EBF3: variants seen among roughly 807,000 people sequenced by gnomAD.
The protein encoded by EBF3 is EBF transcription factor 3, also known as transcription factor COE3.
Under a neutral mutation model 77.1 loss-of-function variants are expected in EBF3, and 18 were observed. That is an observed-to-expected ratio of 0.23 (90% CI 0.16 to 0.35). The LOEUF (loss-of-function observed/expected upper bound fraction) is 0.35. Ranked by LOEUF, EBF3 falls within the 10% of genes least tolerant of loss-of-function variation. The pLI is 1.00. For missense variants in EBF3, 558 were observed against 860.0 expected (o/e 0.65, Z 4.39); for synonymous variants, 350 against 343.5 (o/e 1.02, Z -0.21).
intron 10 of EBF3, among the ~76,000 whole-genome samples, chr10:129,855,591 G>A (rs370319692): frequency 2.6e-5 from 4 of 152,160 alleles, no homozygotes; most frequent in African/African-American, 9.7e-5. Flanking sequence ...CTGAGGTCGG[G>A]AAGTGGGCCC....
Position 129,840,886 on chromosome 10 carries a change from G to T in EBF3, c.1519C>A (p.Pro507Thr), listed in dbSNP as rs758307111. ...GCGGAGGAGCCATTAAGAAATCCAG[G>T]CGAGCCAGGGACCCCTAGACTGGCC... ...AMASLGVPGS[P>T]GFLNGSSANS... is the part of the protein sequence containing the mutation. Residue 507 changes from proline to threonine, a missense_variant, in exon 14 of 17, where the codon CCT (proline) becomes ACT (threonine). Pro to Thr is a conservative substitution (Grantham distance 38). Coordinates refer to ENST00000440978, the MANE Select transcript of EBF3 (RefSeq NM_001375380.1). The T allele has an allele frequency of 2.0e-5, 33 of 1,613,910 alleles. No homozygotes were observed. Among genetic ancestry groups the T allele is most frequent in the Non-Finnish European group, 2.8e-5 (33 of 1,179,942 alleles).
intron 6 of EBF3, among the ~76,000 whole-genome samples, chr10:129,937,352 T>C (rs986210096): frequency 6.6e-6 from 1 of 152,078 alleles, no homozygotes; most frequent in African/African-American, 2.4e-5. Context: ...AAGCCTTCCC[T>C]GGGTGACCCT....
chr10:129,911,921 G>A (rs1855551500), intron 6 of EBF3, among the ~76,000 whole-genome samples: 1 of 152,160 alleles, frequency 6.6e-6, no homozygotes, highest in Non-Finnish European at 1.5e-5. Context: ...CCTCATGGAG[G>A]AAATGCATGG....
intron 7 of EBF3, among the ~76,000 whole-genome samples, chr10:129,874,423 G>A (rs1371211144): frequency 2.6e-5 from 4 of 152,202 alleles, no homozygotes; most frequent in African/African-American, 9.6e-5. Flanking sequence ...AGACTCCATA[G>A]ACCTGCCCAG....
In EBF3 at chr10:129,943,101, A is replaced by G. The variant is rs912171004; in HGVS notation, c.554+14157T>C. Among the ~76,000 whole-genome samples, 1 of 152,182 alleles carries G rather than the reference A, an allele frequency of 6.6e-6. No individual in the cohort carries two copies. The highest frequency in any genetic ancestry group is 2.4e-5 in the African/African-American group (1 of 41,440). ...TTGCCTGCACGATGGGAATGACTGG[A>G]TCACTCCACCGGCTGCTCAAGAAGC... On this transcript the variant is annotated intron_variant, in intron 6 of 16. Coordinates refer to ENST00000440978, the MANE Select transcript of EBF3 (RefSeq NM_001375380.1). This position sits in a 1 kb window ranked among gnomAD's most constrained non-coding sequence, Gnocchi z 8.8.
At chr10:129,912,029 C>A (rs112070415) in intron 6 of EBF3, among the ~76,000 whole-genome samples, 1 of 152,202 alleles carries the variant, frequency 6.6e-6, no homozygotes, top group Admixed American at 6.5e-5. Context: ...CGTCCACCTG[C>A]GTGGGACTCC....
At chr10:129,950,652 A>AC (rs1429208104) in intron 6 of EBF3, among the ~76,000 whole-genome samples, 4 of 152,190 alleles carry the variant, frequency 2.6e-5, no homozygotes, top group African/African-American at 7.2e-5. Context: ...ACAAAAAAAA[A>AC]CCCCTTAACC....
rs368440471 is a variant in EBF3 at position 129,863,090 on chromosome 10, A to C, written c.1039+4051T>G. Among the ~76,000 whole-genome samples, 1 of 152,234 alleles carries C rather than the reference A, an allele frequency of 6.6e-6. No homozygotes were observed. The highest frequency in any genetic ancestry group is 1.9e-4 in the East Asian group (1 of 5,196). ...CCCACCAGTTTATATTGCATTTTAC[A>C]GTCTAGAAGGCAATTTACTATTAAC... On this transcript the variant is annotated intron_variant, in intron 10 of 16. Transcript: ENST00000440978. This position sits in a 1 kb window ranked among gnomAD's most constrained non-coding sequence, Gnocchi z 4.0.
At chr10:129,954,680 T>A (rs945489922) in intron 6 of EBF3, among the ~76,000 whole-genome samples, 1 of 152,138 alleles carries the variant, frequency 6.6e-6, no homozygotes, top group Non-Finnish European at 1.5e-5. Context: ...TTGGTTTATA[T>A]CCTCAGGACA....
At chr10:129,945,828 A>G (rs1300207777) in intron 6 of EBF3, among the ~76,000 whole-genome samples, 1 of 152,046 alleles carries the variant, frequency 6.6e-6, no homozygotes, top group East Asian at 1.9e-4. Flanking sequence ...TATGATCATT[A>G]TTTTCGCCTA....
At chr10:129,962,096 G>A in intron 4 of EBF3, 75 bp downstream of exon 4, 1 of 1,411,530 alleles carries the variant, frequency 7.1e-7, no homozygotes, top group Non-Finnish European at 1.0e-6. Context: ...CCATTTGTCA[G>A]TGCCCTTGCC....
intron 6 of EBF3, among the ~76,000 whole-genome samples, chr10:129,950,059 G>C (rs902239815): frequency 6.6e-6 from 1 of 150,856 alleles, no homozygotes; most frequent in Non-Finnish European, 1.5e-5. Flanking sequence ...AGGCAGGGGC[G>C]GCGGCTGGAG....
At chr10:129,850,677 T>A (rs1850810382) in intron 10 of EBF3, among the ~76,000 whole-genome samples, 1 of 152,178 alleles carries the variant, frequency 6.6e-6, no homozygotes. Flanking sequence ...CCCCTCTCTT[T>A]TTAAATTGCA....
At position 129,963,332 on chromosome 10, in the gene EBF3, A is replaced by G. The variant is rs1859678618; in HGVS notation, c.291+35T>C. On this transcript the variant is annotated intron_variant, in intron 2 of 16. Coordinates refer to ENST00000440978, the MANE Select transcript of EBF3 (RefSeq NM_001375380.1). This position sits in a 1 kb window ranked among gnomAD's most constrained non-coding sequence, Gnocchi z 7.1. Reference sequence around the variant, plus strand: ...GGCACCGCCTGCCTCCCGCTTCTAGAAAGAGAGAGGGTGTGATCGTGTGTT... The same window carrying G: ...GGCACCGCCTGCCTCCCGCTTCTAGGAAGAGAGAGGGTGTGATCGTGTGTT... The G allele has an allele frequency of 6.4e-7, 1 of 1,555,984 alleles. No individual in the cohort carries two copies. The highest frequency in any genetic ancestry group is 8.7e-7 in the Non-Finnish European group (1 of 1,153,482).
At chr10:129,923,152 C>T (rs924214770) in intron 6 of EBF3, among the ~76,000 whole-genome samples, 4 of 152,168 alleles carry the variant, frequency 2.6e-5, no homozygotes, top group Admixed American at 6.5e-5. Flanking sequence ...TATTTTGAAC[C>T]GCAGCAGCAG....
intron 8 of EBF3, among the ~76,000 whole-genome samples, chr10:129,871,121 T>C (rs1423416545): frequency 6.6e-6 from 1 of 152,206 alleles, no homozygotes; most frequent in Non-Finnish European, 1.5e-5. Flanking sequence ...TTGTCCTTAT[T>C]GCATAAACCT....
intron 6 of EBF3, among the ~76,000 whole-genome samples, chr10:129,892,928 C>T (rs1303939949): frequency 3.9e-5 from 6 of 152,228 alleles, no homozygotes; most frequent in Non-Finnish European, 7.3e-5. Context: ...GGCAGCCAGC[C>T]GTTAATTAGC....
intron 6 of EBF3, among the ~76,000 whole-genome samples, chr10:129,924,513 T>C (rs562954623): frequency 6.6e-6 from 1 of 151,180 alleles, no homozygotes; most frequent in Non-Finnish European, 1.5e-5. Context: ...AGCACCCCAC[T>C]GTGGGTGTGG....
At chr10:129,874,897 GCA>G (rs1852648189) in intron 7 of EBF3, among the ~76,000 whole-genome samples, 1 of 152,208 alleles carries the variant, frequency 6.6e-6, no homozygotes, top group Admixed American at 6.5e-5. Context: ...GGAATCCCCT[GCA>G]CCAGCATAAT....
Sources: gnomAD v4.1 joint callset for allele counts (sites outside exome capture counted in the v4.1 genomes callset) on GRCh38, gnomAD v4.1.1 for gene constraint, Gnocchi (gnomAD v3.1) non-coding constraint, MANE v1.5 for transcripts, NCBI Gene and HGNC (gene_info 2026-07-23, HGNC 2026-07-21) for gene names.